The following PHEX variants were observed in gnomAD, a reference collection of about 807,000 sequenced individuals.
PHEX encodes the protein phosphate-regulating neutral endopeptidase PHEX.
PHEX carries 16 observed loss-of-function variants against 68.0 expected under a neutral mutation model. The ratio of observed to expected loss-of-function variants is 0.24; its 90% CI spans 0.16 to 0.36. The LOEUF (loss-of-function observed/expected upper bound fraction) is 0.36, where lower values mean the gene tolerates loss of function less well. Among genes scored for constraint, PHEX ranks in the 10% least tolerant of loss-of-function variants. PHEX has a pLI of 1.00. For missense variants in PHEX, 480 were observed against 575.5 expected, an observed-to-expected ratio of 0.83 and a Z score of 1.70; for synonymous variants, 208 against 205.1, an observed-to-expected ratio of 1.01 and a Z score of -0.12.
In PHEX at chrX:22,115,729, A is replaced by G. The variant is rs1380794960; in HGVS notation, c.1302+1143A>G. Among the ~76,000 whole-genome samples the G allele has an allele frequency of 3.6e-5, 4 of 112,224 alleles. No individual in the cohort carries two copies. The East Asian group carries it at 8.4e-4, about 23-fold the overall frequency. On this transcript the variant is annotated intron_variant, in intron 11 of 21. Transcript: ENST00000379374. ...TGCCTGGCTTATTTCACTTAGCATA[A>G]TGTCCTCTGGCTTTATCTATGCTGT...
At chrX:22,161,374 C>T (rs1367754241) in intron 12 of PHEX, among the ~76,000 whole-genome samples, 2 of 111,931 alleles carry the variant, frequency 1.8e-5, no homozygotes, top group South Asian at 3.7e-4. Flanking sequence ...TGCAATGAGC[C>T]GAGATCGTGC....
chrX:22,051,902 G>A (rs1322298655), intron 3 of PHEX, among the ~76,000 whole-genome samples: 1 of 111,689 alleles, frequency 9.0e-6, no homozygotes, highest in East Asian at 2.8e-4. Flanking sequence ...TATTCTTAAA[G>A]TGTATAGAGG....
intron 3 of PHEX, among the ~76,000 whole-genome samples, chrX:22,055,077 A>G (rs1928016548): frequency 9.4e-6 from 1 of 105,894 alleles, no homozygotes; most frequent in Non-Finnish European, 1.9e-5. Context: ...TCAGAGGCTG[A>G]GGCAGGAGAA....
Position 22,098,301 on chromosome X carries a change from G to A in PHEX, c.934-705G>A, listed in dbSNP as rs1930240573. Reference sequence around the variant, plus strand: ...GGGAAGAGTATGGGAGGAAGAAAGAGTATAGAATAGAGGAAGAGTACTGGA... The same window carrying A: ...GGGAAGAGTATGGGAGGAAGAAAGAATATAGAATAGAGGAAGAGTACTGGA... On this transcript the variant is annotated intron_variant, in intron 8 of 21. Coordinates refer to ENST00000379374, the MANE Select transcript of PHEX (RefSeq NM_000444.6). Among the ~76,000 whole-genome samples the A allele has an allele frequency of 2.8e-5, 3 of 107,546 alleles. No homozygotes were observed. The South Asian group carries it at 1.3e-3, about 45-fold the overall frequency. The allele number at this position is 107,546 out of a possible 115,157, so 93.4% of individuals were successfully genotyped here.
In PHEX at chrX:22,046,713, T is replaced by C. The variant is rs1420259144; in HGVS notation, c.188-337T>C. ...CTCTGAGTAGCTGGGATTACAGGCA[T>C]GCATCACCATATCTGGCTAATTTTT... On this transcript the variant is annotated intron_variant, in intron 2 of 21. Transcript: ENST00000379374. 8.2e-5 allele frequency among the ~76,000 whole-genome samples: 9 copies of C among 109,900 alleles called. No homozygotes were observed. The Admixed American group carries it at 8.8e-4, about 11-fold the overall frequency.
At chrX:22,138,923 GTCTCTCTC>G (rs1418053288) in intron 12 of PHEX, among the ~76,000 whole-genome samples, 6 of 111,369 alleles carry the variant, frequency 5.4e-5, no homozygotes, top group African/African-American at 1.6e-4. Context: ...TTGGCTCTAT[GTCTCTCTC>G]ACACACATGC....
chrX:22,225,459 C>T (rs1021397906), intron 18 of PHEX, among the ~76,000 whole-genome samples: 13 of 111,349 alleles, frequency 1.2e-4, no homozygotes, highest in African/African-American at 3.3e-4. Flanking sequence ...CGTTATCCTG[C>T]GTGTTATACA....
chrX:22,224,338 G>A (rs763546546), intron 18 of PHEX, among the ~76,000 whole-genome samples: 2 of 111,709 alleles, frequency 1.8e-5, no homozygotes, highest in Admixed American at 1.9e-4. Context: ...ATGGAATGAG[G>A]GAAACCTATT....
At chrX:22,207,882 T>C (rs1231431725) in intron 15 of PHEX, among the ~76,000 whole-genome samples, 2 of 110,804 alleles carry the variant, frequency 1.8e-5, no homozygotes, top group East Asian at 5.6e-4. Flanking sequence ...CCAGGGGGTA[T>C]TTTATTTATT....
chrX:22,224,804 T>C (rs1164942236), intron 18 of PHEX, among the ~76,000 whole-genome samples: 1 of 108,454 alleles, frequency 9.2e-6, no homozygotes, highest in African/African-American at 3.4e-5. Flanking sequence ...TTCATTGATA[T>C]TGCTTGATAC....
chrX:22,145,428 C>T lies in PHEX; in HGVS notation c.1404+11804C>T, dbSNP rs765762221. ...GAGTTTGAGACCAGACCAGCCTGGC[C>T]GACATGGTGAAACCCCATCTTTACT... On this transcript the variant is annotated intron_variant, in intron 12 of 21. Coordinates refer to ENST00000379374, the MANE Select transcript of PHEX (RefSeq NM_000444.6). Among the ~76,000 whole-genome samples, 125 of 111,164 alleles carry T rather than the reference C, an allele frequency of 1.1e-3. 1 individual carries two copies. The highest frequency in any genetic ancestry group is 2.0e-3 in the Non-Finnish European group (104 of 52,993).
rs184594933 is a variant in PHEX at position 22,232,752 on chromosome X, T to C, written c.2070+5141T>C. 2.5e-3 allele frequency among the ~76,000 whole-genome samples: 271 copies of C among 109,840 alleles called. 2 individuals are homozygous for C. The highest frequency in any genetic ancestry group is 8.2e-3 in the African/African-American group (248 of 30,191). ...ATTGATAGTTCTTGACTCTATCCAATTTGCCAGTCTGTGTCTTTTAATTGG... is the reference window on the plus strand; with the variant it reads ...ATTGATAGTTCTTGACTCTATCCAACTTGCCAGTCTGTGTCTTTTAATTGG... On this transcript the variant is annotated intron_variant, in intron 20 of 21. Transcript: ENST00000379374.
At chrX:22,126,864 GTTTTT>G (rs35691469) in intron 11 of PHEX, among the ~76,000 whole-genome samples, 2 of 54,606 alleles carry the variant, frequency 3.7e-5, no homozygotes. Flanking sequence ...TGAAATAGTT[GTTTTT>G]TTTTTTTTTT....
rs1016770885 is a variant in PHEX, at chrX:22,053,488, C to T, written c.349+6277C>T. Among the ~76,000 whole-genome samples, 13 of 111,691 alleles carry T rather than the reference C, an allele frequency of 1.2e-4. 1 individual carries two copies. On this transcript the variant is annotated intron_variant, in intron 3 of 21. Coordinates refer to ENST00000379374, the MANE Select transcript of PHEX (RefSeq NM_000444.6). ...TTGGGAAATAAAATTACTTCCTATT[C>T]TCTCCAAGAAGTGAGATTTTTTAAA...
At chrX:22,105,768 G>T (rs754973741) in intron 9 of PHEX, among the ~76,000 whole-genome samples, 39 of 112,061 alleles carry the variant, frequency 3.5e-4, no homozygotes, top group Non-Finnish European at 6.8e-4. Flanking sequence ...AAATATCAAA[G>T]AAGGTATTTT....
rs1926853292 is a variant in PHEX, at chrX:22,032,765, CTGTT to C, written c.-235_-232del. The C allele has an allele frequency of 5.0e-6, 2 of 398,925 alleles. No homozygotes were observed. Among genetic ancestry groups the C allele is most frequent in the South Asian group, 6.9e-5 (2 of 28,877 alleles). 32.9% of individuals were successfully genotyped at this position (398,925 alleles called of 1,213,427 possible). On this transcript the variant is annotated 5_prime_UTR_variant, in exon 1 of 22. Coordinates refer to ENST00000379374, the MANE Select transcript of PHEX (RefSeq NM_000444.6). ...GGGAGAGCACCAAGATAAAGCAACA[CTGTT>C]TGTTTTGTCTAGTCAGGGGGAAAGC...
rs1930286489 is a variant in PHEX at position 22,098,938 on chromosome X, C to A, written c.934-68C>A. 3.1e-6 allele frequency: 3 copies of A among 964,496 alleles called. No individual in the cohort carries two copies. The Admixed American group carries it at 6.7e-5, about 22-fold the overall frequency. 79.5% of individuals were successfully genotyped at this position (964,496 alleles called of 1,213,427 possible). A position where few individuals can be genotyped will look rare whatever the true frequency, so the allele number is the denominator to read the frequency against. ...AGAAATGAATGATGCTCAATCTACT[C>A]TATCTGCCTTTCTTACTTGCTACCT... On this transcript the variant is annotated intron_variant, in intron 8 of 21. Coordinates refer to ENST00000379374, the MANE Select transcript of PHEX (RefSeq NM_000444.6).
chrX:22,231,735 A>G (rs1232973518), intron 20 of PHEX, among the ~76,000 whole-genome samples: 1 of 111,097 alleles, frequency 9.0e-6, no homozygotes, highest in Non-Finnish European at 1.9e-5. Context: ...GGATTCATTG[A>G]TTTTTTGAAG....
At chrX:22,107,384 C>T (rs981874862) in intron 9 of PHEX, among the ~76,000 whole-genome samples, 4 of 112,339 alleles carry the variant, frequency 3.6e-5, no homozygotes, top group Middle Eastern at 4.2e-3. Flanking sequence ...TCCTTCTCGT[C>T]TCCACCTATG....
Sources: allele counts gnomAD v4.1 joint callset (sites outside exome capture counted in the v4.1 genomes callset), GRCh38; gene constraint gnomAD v4.1.1; transcripts MANE v1.5; gene names NCBI Gene and HGNC (gene_info 2026-07-23, HGNC 2026-07-21).